Variants in SEMA3G observed in about 807,000 individuals in gnomAD.
The protein encoded by SEMA3G is semaphorin-3G.
Under a neutral mutation model 86.2 loss-of-function variants are expected in SEMA3G, and 70 were observed. That is an observed-to-expected ratio of 0.81 (90% CI 0.67 to 0.99). The LOEUF (loss-of-function observed/expected upper bound fraction) is 0.99. Ranked by LOEUF, SEMA3G falls within the 50% of genes least tolerant of loss-of-function variation. The pLI is 0.00. For synonymous variants in SEMA3G, 416 were observed against 441.4 expected, an observed-to-expected ratio of 0.94 and a Z score of 0.72; for missense variants, 1,002 against 1,072.4, an observed-to-expected ratio of 0.93 and a Z score of 0.92.
At chr3:52,440,234 AC>A in intron 10 of SEMA3G, 136 bp from the exon 11 acceptor site, 1 of 502,758 alleles carries the variant, frequency 2.0e-6, no homozygotes, top group Non-Finnish European at 3.3e-6. Context: ...CACCCACCCC[AC>A]CCCACCCAGG....
At position 52,442,062 on chromosome 3, in the gene SEMA3G, A is replaced by G; in HGVS notation, c.459+123T>C. 3.5e-6 allele frequency: 5 copies of G among 1,419,174 alleles called. No homozygotes were observed. In the South Asian group the frequency reaches 5.4e-5, roughly 15 times the overall value. 87.9% of individuals were successfully genotyped at this position (1,419,174 alleles called of 1,614,324 possible). A position where few individuals can be genotyped will look rare whatever the true frequency, so the allele number is the denominator to read the frequency against. On this transcript the variant is annotated intron_variant, in intron 4 of 15. Coordinates refer to ENST00000231721, the MANE Select transcript of SEMA3G (RefSeq NM_020163.3). The surrounding 1 kb of genome is among the most constrained non-coding windows in gnomAD (Gnocchi z 6.1). ...CCCCTCTAATGGGGTCAGCTCCCCAACACAAAGGCGCCTTTCAGGCCCCTG... is the reference window on the plus strand; with the variant it reads ...CCCCTCTAATGGGGTCAGCTCCCCAGCACAAAGGCGCCTTTCAGGCCCCTG...
At position 52,441,724 on chromosome 3, in the gene SEMA3G, G is replaced by A. The variant is rs1234313423; in HGVS notation, c.551-34C>T. On this transcript the variant is annotated intron_variant, in intron 5 of 15. Transcript: ENST00000231721. The stretch of plus-strand genomic sequence containing the variant: ...GGGGTTGGGGAACAGAGTCAGGGGA[G>A]GAGGCCCAGGCCCAGCAGCCGGGTC... 4 of 1,599,914 alleles carry A rather than the reference G, an allele frequency of 2.5e-6. No individual in the cohort carries two copies. The African/African-American group carries it at 4.0e-5, about 16-fold the overall frequency.
chr3:52,433,240 T>A lies in SEMA3G; in HGVS notation c.*2363A>T, dbSNP rs930316680. On this transcript the variant is annotated 3_prime_UTR_variant, in exon 16 of 16. Transcript: ENST00000231721. ...CAGAAGTCACTCAGGGTGACCTTCT[T>A]TCTCATGGAATGGATGGGAGGGCTC... 2 of 152,244 alleles carry A rather than the reference T, an allele frequency of 1.3e-5. No homozygotes were observed. Among genetic ancestry groups the A allele is most frequent in the Non-Finnish European group, 2.9e-5 (2 of 68,052 alleles). 9.4% of individuals were successfully genotyped at this position (152,244 alleles called of 1,614,324 possible).
chr3:52,438,361 C>T, intron 13 of SEMA3G, 162 bp from the exon 14 acceptor site: 1 of 942,182 alleles, frequency 1.1e-6, no homozygotes, highest in East Asian at 1.2e-4. Context: ...CACCCATCTG[C>T]TGCATACCAG....
In SEMA3G at chr3:52,440,769, A is replaced by G. The variant is rs1456659510; in HGVS notation, c.983T>C (p.Leu328Pro). ...GTGTGCCCACCTGACGGTGCTGAAC[A>G]GCGCGTACACCTCGAGGCTCTTCCC... ...KAGKSLEVYA[L>P]FSTVSAVFQG... The change falls in exon 9 of 16, where the codon CTG (leucine) becomes CCG (proline). Residue 328 changes from leucine to proline, a missense_variant. Leu to Pro is a moderately conservative substitution (Grantham distance 98, BLOSUM62 -3). Coordinates refer to ENST00000231721, the MANE Select transcript of SEMA3G (RefSeq NM_020163.3). 4 of 1,613,136 alleles carry G rather than the reference A, an allele frequency of 2.5e-6. No homozygotes were observed. In the Admixed American group the frequency reaches 5.0e-5, roughly 20 times the overall value.
chr3:52,439,758 CA>C lies in SEMA3G; in HGVS notation c.1388del (p.Val463GlyfsTer165). 1 of 1,613,954 alleles carries C rather than the reference CA, an allele frequency of 6.2e-7. No individual in the cohort carries two copies. Among genetic ancestry groups the C allele is most frequent in the Non-Finnish European group, 8.5e-7 (1 of 1,180,002 alleles). ...CTGCCTGGAGAGCGATGACTTTGAG[CA>C]CAGACCCTGAGTCTGGGGCCAGGGA... ...VIFLGTDSGS[V>X]LKVIALQAGG... On this transcript the variant is annotated frameshift_variant, in exon 12 of 16. Coordinates refer to ENST00000231721, the MANE Select transcript of SEMA3G (RefSeq NM_020163.3). LOFTEE classifies it high-confidence loss of function.
In SEMA3G at chr3:52,441,646, C is replaced by T. The variant is rs770603157; in HGVS notation, c.595G>A (p.Glu199Lys). ...TGLTADFLGREAMIFRSGGPR... is the reference protein window; with the variant it reads ...TGLTADFLGRKAMIFRSGGPR... ...CCTCCACTTCGGAAGATCATGGCCT[C>T]TCGCCCCAGGAAGTCAGCAGTGAGA... is the stretch of plus-strand genomic sequence containing the variant. The change falls in exon 6 of 16, where the codon GAG becomes AAG. Residue 199 changes from glutamate (E) to lysine (K), a missense_variant. By Grantham distance (56) the Glu-to-Lys change is moderately conservative. Coordinates refer to ENST00000231721, the MANE Select transcript of SEMA3G (RefSeq NM_020163.3). The T allele has an allele frequency of 1.9e-6, 3 of 1,613,692 alleles. No individual in the cohort carries two copies. The African/African-American group carries it at 4.0e-5, about 22-fold the overall frequency.
rs1706175671 is a variant in SEMA3G at position 52,442,384 on chromosome 3, C to G, written c.340-80G>C. On this transcript the variant is annotated intron_variant, in intron 3 of 15. Transcript: ENST00000231721. The surrounding 1 kb of genome is among the most constrained non-coding windows in gnomAD (Gnocchi z 6.1). Reference sequence around the variant, plus strand: ...CTTGGGGCCCAAGGCTCAGCCCTGTCTGGCGGTCAGCTCTGGGGAGGGGGG... The same window carrying G: ...CTTGGGGCCCAAGGCTCAGCCCTGTGTGGCGGTCAGCTCTGGGGAGGGGGG... 2 of 1,443,368 alleles carry G rather than the reference C, an allele frequency of 1.4e-6. No homozygotes were observed. The highest frequency in any genetic ancestry group is 2.3e-5 in the East Asian group (1 of 43,240). 89.4% of individuals were successfully genotyped at this position (1,443,368 alleles called of 1,614,324 possible).
At position 52,436,706 on chromosome 3, in the gene SEMA3G, G is replaced by A. The variant is rs1706055180; in HGVS notation, c.1879-633C>T. Among the ~76,000 whole-genome samples the A allele has an allele frequency of 2.0e-5, 3 of 152,230 alleles. No individual in the cohort carries two copies. In the South Asian group the frequency reaches 6.2e-4, roughly 31 times the overall value. On this transcript the variant is annotated intron_variant, in intron 15 of 15. Transcript: ENST00000231721. Reference sequence around the variant, plus strand: ...CCGCCCTGATCCCAGCCCGCCTCTGGCCTGGACCCTGTGTGGGTTTTAGTC... The same window carrying A: ...CCGCCCTGATCCCAGCCCGCCTCTGACCTGGACCCTGTGTGGGTTTTAGTC...
At position 52,440,471 on chromosome 3, in the gene SEMA3G, C is replaced by T; in HGVS notation, c.1049G>A (p.Trp350Ter). The T allele has an allele frequency of 6.2e-7, 1 of 1,611,740 alleles. No individual in the cohort carries two copies. Among genetic ancestry groups the T allele is most frequent in the Non-Finnish European group, 8.5e-7 (1 of 1,179,510 alleles). ...AVCVYHMADI[W>*]EVFNGPFAHR... Reference sequence around the variant, plus strand: ...GGCAAAGGGCCCGTTGAAAACCTCCCAGATGTCTGCCATGTGGTACACACA... The same window carrying T: ...GGCAAAGGGCCCGTTGAAAACCTCCTAGATGTCTGCCATGTGGTACACACA... The change falls in exon 10 of 16, where the codon TGG (tryptophan) becomes TAG (stop). Residue 350 changes from tryptophan (W) to a stop codon, truncating the protein, a stop_gained. Coordinates refer to ENST00000231721, the MANE Select transcript of SEMA3G (RefSeq NM_020163.3). LOFTEE classifies it high-confidence loss of function.
Position 52,440,386 on chromosome 3 carries a change from G to T in SEMA3G, c.1134C>A (p.Arg378=), listed in dbSNP as rs761565061. The change falls in exon 10 of 16, where the codon CGC becomes CGA. Residue 378 remains arginine, a synonymous_variant. Transcript: ENST00000231721. ...GPYGGKVPFP[R]PGVCPSKMTA... ...CCCAGCAGATACTCACCACGCCAGGGCGAGGGAAGGGCACCTTGCCCCCAT... is the reference window on the plus strand; with the variant it reads ...CCCAGCAGATACTCACCACGCCAGGTCGAGGGAAGGGCACCTTGCCCCCAT... The T allele has an allele frequency of 1.2e-6, 2 of 1,604,984 alleles. No homozygotes were observed. The highest frequency in any genetic ancestry group is 4.5e-5 in the East Asian group (2 of 44,782).
At chr3:52,437,438 A>G in intron 15 of SEMA3G, 89 bp downstream of exon 15, 1 of 1,363,300 alleles carries the variant, frequency 7.3e-7, no homozygotes, top group Non-Finnish European at 1.0e-6. Context: ...TCCCCCCAGA[A>G]CCCCTTTCTG....
Position 52,437,432 on chromosome 3 carries a change from C to T in SEMA3G, c.1878+95G>A, listed in dbSNP as rs974642168. ...TTTAGGTTAATCTTGGCAGATTCCC[C>T]CCAGAACCCCTTTCTGGGGCTCAGG... On this transcript the variant is annotated intron_variant, in intron 15 of 15. Transcript: ENST00000231721. 6 of 1,338,350 alleles carry T rather than the reference C, an allele frequency of 4.5e-6. No individual in the cohort carries two copies. In the South Asian group the frequency reaches 5.9e-5, roughly 13 times the overall value. The allele number at this position is 1,338,350 out of a possible 1,614,324, so 82.9% of individuals were successfully genotyped here.
Position 52,438,963 on chromosome 3 carries a change from T to C in SEMA3G, c.1468-2A>G, listed in dbSNP as rs748643584. On this transcript the variant is annotated splice_acceptor_variant, in intron 12 of 15. Coordinates refer to ENST00000231721, the MANE Select transcript of SEMA3G (RefSeq NM_020163.3). LOFTEE classifies it high-confidence loss of function. ...CATTTCGGTGATAGGTGTTGGCACC[T>C]GGGGAAGGAGAAGGGTCTCAGTGTG... The C allele has an allele frequency of 1.7e-5, 27 of 1,613,142 alleles. No individual in the cohort carries two copies. Among genetic ancestry groups the C allele is most frequent in the Non-Finnish European group, 5.1e-6 (6 of 1,179,572 alleles).
At chr3:52,443,687 G>A (rs548726208) in intron 1 of SEMA3G, among the ~76,000 whole-genome samples, 2 of 152,160 alleles carry the variant, frequency 1.3e-5, no homozygotes, top group East Asian at 1.9e-4. Context: ...ACTCATCAAC[G>A]GTCTCTTCCG....
rs1706005634 is a variant in SEMA3G at position 52,434,420 on chromosome 3, T to C, written c.*1183A>G. 6.6e-6 allele frequency: 1 copy of C among 152,114 alleles called. No homozygotes were observed. Among genetic ancestry groups the C allele is most frequent in the Non-Finnish European group, 1.5e-5 (1 of 68,032 alleles). The allele number at this position is 152,114 out of a possible 1,614,324, so 9.4% of individuals were successfully genotyped here. A position where few individuals can be genotyped will look rare whatever the true frequency, so the allele number is the denominator to read the frequency against. ...CCCCTTAAAAGAAAAACAGTCTTCC[T>C]AAATCCATTTAGCATAAAACAGAGA... is the stretch of plus-strand genomic sequence containing the variant. On this transcript the variant is annotated 3_prime_UTR_variant, in exon 16 of 16. Coordinates refer to ENST00000231721, the MANE Select transcript of SEMA3G (RefSeq NM_020163.3). The surrounding 1 kb of genome is among the most constrained non-coding windows in gnomAD (Gnocchi z 5.2).
chr3:52,441,681 A>G lies in SEMA3G; in HGVS notation c.560T>C (p.Leu187Pro). ...GAAGTCAGCAGTGAGACCCGTGTAC[A>G]GCTCCCCGTCTGGGGTGGGGGTTGG... ...PFASTFIDGELYTGLTADFLG... is the reference protein window; with the variant it reads ...PFASTFIDGEPYTGLTADFLG... Residue 187 changes from leucine to proline, a missense_variant, in exon 6 of 16, where the codon CTG becomes CCG. Physicochemically the swap from Leu to Pro is moderately conservative, Grantham distance 98. Coordinates refer to ENST00000231721, the MANE Select transcript of SEMA3G (RefSeq NM_020163.3). The G allele has an allele frequency of 1.2e-6, 2 of 1,613,302 alleles. No homozygotes were observed. Among genetic ancestry groups the G allele is most frequent in the Non-Finnish European group, 1.7e-6 (2 of 1,179,646 alleles).
Position 52,441,134 on chromosome 3 carries a change from G to A in SEMA3G, c.814-86C>T, listed in dbSNP as rs1008550356. On this transcript the variant is annotated intron_variant, in intron 7 of 15. Coordinates refer to ENST00000231721, the MANE Select transcript of SEMA3G (RefSeq NM_020163.3). ...TCTTCTACCCTCACCCACTCGGGGA[G>A]AGGTATGCATGTCAGCTTTGCATCC... The A allele has an allele frequency of 3.0e-5, 44 of 1,468,300 alleles. No homozygotes were observed. The African/African-American group carries it at 4.6e-4, about 15-fold the overall frequency. The allele number at this position is 1,468,300 out of a possible 1,614,324, so 91.0% of individuals were successfully genotyped here.
chr3:52,435,456 C>T lies in SEMA3G; in HGVS notation c.*147G>A. 1.3e-6 allele frequency: 1 copy of T among 749,766 alleles called. No individual in the cohort carries two copies. The allele number at this position is 749,766 out of a possible 1,614,324, so 46.4% of individuals were successfully genotyped here. On this transcript the variant is annotated 3_prime_UTR_variant, in exon 16 of 16. Coordinates refer to ENST00000231721, the MANE Select transcript of SEMA3G (RefSeq NM_020163.3). ...CAAGAACCCAGCCCCTCCATTAGAC[C>T]CCAGTAGCGGTGTGGGGGCAGAGAC...
Sources: allele counts gnomAD v4.1 joint callset (sites outside exome capture counted in the v4.1 genomes callset), GRCh38; gene constraint gnomAD v4.1.1; non-coding constraint Gnocchi (gnomAD v3.1); transcripts MANE v1.5; gene names NCBI Gene and HGNC (gene_info 2026-07-23, HGNC 2026-07-21).